CYP26C1: variants seen among roughly 807,000 people sequenced by gnomAD.
The protein encoded by CYP26C1 is cytochrome P450 26C1.
Under a neutral mutation model 39.1 loss-of-function variants are expected in CYP26C1, and 41 were observed. The observed-to-expected ratio is 1.05, with a 90% confidence interval of 0.82 to 1.36. The LOEUF (loss-of-function observed/expected upper bound fraction) is 1.36. Ranked by LOEUF, CYP26C1 falls within the 40% of genes most tolerant of loss-of-function variation. The pLI is 0.00. For synonymous variants in CYP26C1, 362 were observed against 350.8 expected (o/e 1.03, Z -0.36); for missense variants, 833 against 752.0 (o/e 1.11, Z -1.26).
chr10:93,062,265 C>G lies in CYP26C1; in HGVS notation c.429+31C>G, dbSNP rs1846760788. On this transcript the variant is annotated intron_variant, in intron 2 of 5. Coordinates refer to ENST00000651965, the MANE Select transcript of CYP26C1 (RefSeq NM_183374.3). ...TGGAAACGGGAATGGACCGTAGATA[C>G]GTCGGATCCGCGGTCCCCGGCATCT... 5.4e-6 allele frequency: 8 copies of G among 1,492,768 alleles called. No homozygotes were observed. The African/African-American group carries it at 5.5e-5, about 10-fold the overall frequency. The allele number at this position is 1,492,768 out of a possible 1,614,324, so 92.5% of individuals were successfully genotyped here.
At chr10:93,062,603 A>T in intron 2 of CYP26C1, 117 bp from the exon 3 acceptor site, 1 of 938,556 alleles carries the variant, frequency 1.1e-6, no homozygotes, top group Non-Finnish European at 1.5e-6. Flanking sequence ...CAGGAAGTTT[A>T]GGTCTGGGCC....
chr10:93,068,915 G>GA lies in CYP26C1; in HGVS notation c.*219dup. Reference sequence around the variant, plus strand: ...AGAGAAGCATCTAAGCCCATGGGAAGATGCCTTCTGCGCTCCGCGCCCAGA... The same window carrying GA: ...AGAGAAGCATCTAAGCCCATGGGAAGAATGCCTTCTGCGCTCCGCGCCCAGA... On this transcript the variant is annotated 3_prime_UTR_variant, in exon 6 of 6. Coordinates refer to ENST00000651965, the MANE Select transcript of CYP26C1 (RefSeq NM_183374.3). 1.3e-6 allele frequency: 1 copy of GA among 750,318 alleles called. No homozygotes were observed. Among genetic ancestry groups the GA allele is most frequent in the Non-Finnish European group, 1.9e-6 (1 of 515,726 alleles). The allele number at this position is 750,318 out of a possible 1,614,324, so 46.5% of individuals were successfully genotyped here. A position where few individuals can be genotyped will look rare whatever the true frequency, so the allele number is the denominator to read the frequency against.
rs1316338360 is a variant in CYP26C1 at position 93,061,274 on chromosome 10, G to C, written c.11G>C (p.Trp4Ser). The C allele has an allele frequency of 3.2e-6, 5 of 1,583,834 alleles. No homozygotes were observed. In the African/African-American group the frequency reaches 6.7e-5, roughly 21 times the overall value. ...CCCCGCGGGCTCATCATGTTCCCTT[G>C]GGGGCTGAGCTGCCTGTCAGTGCTG... MFP[W>S]GLSCLSVLGA... Residue 4 changes from tryptophan (W) to serine (S), a missense_variant, in exon 1 of 6, where the codon TGG becomes TCG. Transcript: ENST00000651965.
In CYP26C1 at chr10:93,062,020, T is replaced by A. The variant is rs890456993; in HGVS notation, c.215T>A (p.Phe72Tyr). The A allele has an allele frequency of 5.1e-6, 8 of 1,565,128 alleles. No homozygotes were observed. The highest frequency in any genetic ancestry group is 3.3e-4 in the Middle Eastern group (2 of 6,032). The change falls in exon 2 of 6, where the codon TTC becomes TAC. Residue 72 changes from phenylalanine to tyrosine, a missense_variant. Phe to Tyr is a conservative substitution (Grantham distance 22). Transcript: ENST00000651965. Reference sequence around the variant, plus strand: ...CCGCCTCGCCCGCAGGGCTCGCGCTTCCACAGTTCTCGCCGAGAGCGCTAT... The same window carrying A: ...CCGCCTCGCCCGCAGGGCTCGCGCTACCACAGTTCTCGCCGAGAGCGCTAT... ...TLHWLVQGSR[F>Y]HSSRRERYGT...
Position 93,068,544 on chromosome 10 carries a change from A to G in CYP26C1, c.1416A>G (p.Leu472=). Reference sequence around the variant, plus strand: ...TGGCGCAAGCCGTGCTCCAGCTGCTAGCTGTGGAGCTAGTGCGCACCGCGC... The same window carrying G: ...TGGCGCAAGCCGTGCTCCAGCTGCTGGCTGTGGAGCTAGTGCGCACCGCGC... ...QELAQAVLQL[L]AVELVRTARW... is the part of the protein sequence containing the mutation. Residue 472 remains leucine, a synonymous_variant, in exon 6 of 6, where the codon CTA becomes CTG. Coordinates refer to ENST00000651965, the MANE Select transcript of CYP26C1 (RefSeq NM_183374.3). 1 of 1,598,608 alleles carries G rather than the reference A, an allele frequency of 6.3e-7. No individual in the cohort carries two copies. The highest frequency in any genetic ancestry group is 8.5e-7 in the Non-Finnish European group (1 of 1,172,968).
At chr10:93,064,350 G>A (rs372959756) in intron 3 of CYP26C1, 31 bp from the exon 4 acceptor site, 5 of 1,599,692 alleles carry the variant, frequency 3.1e-6, no homozygotes, top group Non-Finnish European at 4.3e-6. Context: ...TAGCCTTCCT[G>A]CCCCATCTTT....
chr10:93,062,091 G>T lies in CYP26C1; in HGVS notation c.286G>T (p.Val96Leu). 6.4e-7 allele frequency: 1 copy of T among 1,574,522 alleles called. No homozygotes were observed. ...THLLGRPVIR[V>L]SGAENVRTIL... ...CCTGCTGGGCAGGCCAGTGATCCGCGTGAGCGGCGCGGAGAACGTGCGCAC... is the reference window on the plus strand; with the variant it reads ...CCTGCTGGGCAGGCCAGTGATCCGCTTGAGCGGCGCGGAGAACGTGCGCAC... The change falls in exon 2 of 6, where the codon GTG (valine) becomes TTG (leucine). Residue 96 changes from valine (V) to leucine (L), a missense_variant. Val to Leu is a conservative substitution (Grantham distance 32). Coordinates refer to ENST00000651965, the MANE Select transcript of CYP26C1 (RefSeq NM_183374.3).
Position 93,068,919 on chromosome 10 carries a change from C to T in CYP26C1, c.*222C>T, listed in dbSNP as rs1365672883. The T allele has an allele frequency of 5.7e-6, 4 of 705,770 alleles. No homozygotes were observed. The highest frequency in any genetic ancestry group is 1.9e-5 in the African/African-American group (1 of 53,660). 43.7% of individuals were successfully genotyped at this position (705,770 alleles called of 1,614,324 possible). A position where few individuals can be genotyped will look rare whatever the true frequency, so the allele number is the denominator to read the frequency against. ...AAGCATCTAAGCCCATGGGAAGATG[C>T]CTTCTGCGCTCCGCGCCCAGAGGAA... On this transcript the variant is annotated 3_prime_UTR_variant, in exon 6 of 6. Coordinates refer to ENST00000651965, the MANE Select transcript of CYP26C1 (RefSeq NM_183374.3).
At chr10:93,062,291 G>A in intron 2 of CYP26C1, 57 bp downstream of exon 2, 1 of 1,466,558 alleles carries the variant, frequency 6.8e-7, no homozygotes. Context: ...CCCGGCATCT[G>A]CCATGGGCCA....
chr10:93,066,355 TGCCGC>T, intron 5 of CYP26C1, 70 bp downstream of exon 5: 1 of 679,044 alleles, frequency 1.5e-6, no homozygotes. Flanking sequence ...GCCTGCCGCC[TGCCGC>T]GGCGGCGCCC....
At position 93,061,454 on chromosome 10, in the gene CYP26C1, A is replaced by C; in HGVS notation, c.191A>C (p.His64Pro). Residue 64 changes from histidine (H) to proline (P), a missense_variant, in exon 1 of 6, where the codon CAC (histidine) becomes CCC (proline). Physicochemically the swap from His to Pro is moderately conservative, Grantham distance 77 (BLOSUM62 -2). Transcript: ENST00000651965. Reference protein sequence around the residue: ...MGWPFFGETLHWLVQGSRFHS... With the variant: ...MGWPFFGETLPWLVQGSRFHS... Reference sequence around the variant, plus strand: ...TGGCCCTTCTTCGGCGAAACGCTGCACTGGTTAGTTCAGGTGAGCAGTCCT... The same window carrying C: ...TGGCCCTTCTTCGGCGAAACGCTGCCCTGGTTAGTTCAGGTGAGCAGTCCT... The C allele has an allele frequency of 6.4e-7, 1 of 1,551,376 alleles. No individual in the cohort carries two copies. Among genetic ancestry groups the C allele is most frequent in the Non-Finnish European group, 8.7e-7 (1 of 1,147,914 alleles).
At chr10:93,066,621 C>A (rs1252459860) in intron 5 of CYP26C1, among the ~76,000 whole-genome samples, 4 of 152,164 alleles carry the variant, frequency 2.6e-5, no homozygotes, top group Non-Finnish European at 4.4e-5. Context: ...CGTGCAGCAC[C>A]CCCTCCCAGC....
At chr10:93,063,244 C>T (rs1846775750) in intron 3 of CYP26C1, 1 of 1,238,762 alleles carries the variant, frequency 8.1e-7, no homozygotes, top group Non-Finnish European at 1.0e-6. Flanking sequence ...CCTGCCGCGA[C>T]GCGCTCCAGC....
chr10:93,062,016 C>A lies in CYP26C1; in HGVS notation c.211C>A (p.Arg71Ser), dbSNP rs1404717480. The change falls in exon 2 of 6, where the codon CGC becomes AGC. Residue 71 changes from arginine (R) to serine (S), a missense_variant. Physicochemically the swap from Arg to Ser is moderately radical, Grantham distance 110. Coordinates refer to ENST00000651965, the MANE Select transcript of CYP26C1 (RefSeq NM_183374.3). ...CCCTCCGCCTCGCCCGCAGGGCTCG[C>A]GCTTCCACAGTTCTCGCCGAGAGCG... Reference protein sequence around the residue: ...ETLHWLVQGSRFHSSRRERYG... With the variant: ...ETLHWLVQGSSFHSSRRERYG... The A allele has an allele frequency of 6.4e-7, 1 of 1,561,944 alleles. No individual in the cohort carries two copies. Among genetic ancestry groups the A allele is most frequent in the Non-Finnish European group, 8.7e-7 (1 of 1,153,316 alleles).
At chr10:93,063,087 C>A in intron 3 of CYP26C1, 92 bp downstream of exon 3, 1 of 1,474,644 alleles carries the variant, frequency 6.8e-7, no homozygotes, top group Non-Finnish European at 8.9e-7. Context: ...GCGCACCCCG[C>A]GCGTCCGTCA....
intron 5 of CYP26C1, among the ~76,000 whole-genome samples, chr10:93,066,493 G>T (rs1028423390): frequency 1.3e-5 from 2 of 152,222 alleles, no homozygotes; most frequent in African/African-American, 4.8e-5. Context: ...CCCGCTGAGG[G>T]ACGCAAAGCC....
Position 93,068,451 on chromosome 10 carries a change from G to C in CYP26C1, c.1323G>C (p.Arg441=). The C allele has an allele frequency of 6.2e-7, 1 of 1,611,878 alleles. No individual in the cohort carries two copies. Among genetic ancestry groups the C allele is most frequent in the East Asian group, 2.2e-5 (1 of 44,852 alleles). ...TCGGCGCAGCGCGCGAAGATTCCCG[G>C]GGCGCCTCCAGCCGCTTCCATTACA... ...ERFGAAREDS[R]GASSRFHYIP... Residue 441 remains arginine, a synonymous_variant, in exon 6 of 6, where the codon CGG becomes CGC. Transcript: ENST00000651965.
At chr10:93,067,016 T>C (rs1391431426) in intron 5 of CYP26C1, among the ~76,000 whole-genome samples, 3 of 152,260 alleles carry the variant, frequency 2.0e-5, no homozygotes, top group Non-Finnish European at 4.4e-5. Context: ...TGTGCCAAAC[T>C]GTGGGTGTTT....
chr10:93,062,065 A>G lies in CYP26C1; in HGVS notation c.260A>G (p.His87Arg), dbSNP rs1257121880. 2 of 1,580,620 alleles carry G rather than the reference A, an allele frequency of 1.3e-6. No homozygotes were observed. The highest frequency in any genetic ancestry group is 1.3e-5 in the African/African-American group (1 of 74,536). ...RERYGTVFKT[H>R]LLGRPVIRVS... The stretch of plus-strand genomic sequence containing the variant: ...CGCTATGGGACAGTGTTCAAGACGC[A>G]CCTGCTGGGCAGGCCAGTGATCCGC... Residue 87 changes from histidine (H) to arginine (R), a missense_variant, in exon 2 of 6, where the codon CAC becomes CGC. His to Arg is a conservative substitution (Grantham distance 29). Coordinates refer to ENST00000651965, the MANE Select transcript of CYP26C1 (RefSeq NM_183374.3).
Sources: allele counts gnomAD v4.1 joint callset (sites outside exome capture counted in the v4.1 genomes callset), GRCh38; gene constraint gnomAD v4.1.1; transcripts MANE v1.5; gene names NCBI Gene and HGNC (gene_info 2026-07-23, HGNC 2026-07-21).